The following CPZ variants were observed in gnomAD, a reference collection of about 807,000 sequenced individuals.
CPZ encodes the protein carboxypeptidase Z, also known as VEZT/CPZ fusion.
CPZ carries 103 observed loss-of-function variants against 61.8 expected under a neutral mutation model. The ratio of observed to expected loss-of-function variants is 1.67; its 90% CI spans 1.42 to 1.96. CPZ has a LOEUF of 1.96. CPZ is among the 30% of genes most tolerant of loss of function. The probability of loss-of-function intolerance (pLI) is 0.00; values close to 1 mark genes in which losing one functional copy is unlikely to be tolerated. For synonymous variants in CPZ, 551 were observed against 373.7 expected, an observed-to-expected ratio of 1.47 and a Z score of -5.47; for missense variants, 1,461 against 914.9, an observed-to-expected ratio of 1.60 and a Z score of -7.70.
Position 8,611,991 on chromosome 4 carries a change from G to T in CPZ, c.1228-36G>T, listed in dbSNP as rs76097235. ...CCAGCTCACAGGACGTCCTGCAGGGGACCCTTTCCTTATCTGAGCCAGGTT... is the reference window on the plus strand; with the variant it reads ...CCAGCTCACAGGACGTCCTGCAGGGTACCCTTTCCTTATCTGAGCCAGGTT... On this transcript the variant is annotated intron_variant, in intron 7 of 10. Coordinates refer to ENST00000360986, the MANE Select transcript of CPZ (RefSeq NM_001014447.3). 1.0e-4 allele frequency: 163 copies of T among 1,613,346 alleles called. 1 individual carries two copies. The African/African-American group carries it at 1.9e-3, about 18-fold the overall frequency.
intron 1 of CPZ, among the ~76,000 whole-genome samples, chr4:8,594,289 G>T (rs989066135): frequency 6.6e-6 from 1 of 152,218 alleles, no homozygotes; most frequent in Non-Finnish European, 1.5e-5. Context: ...GTCACCTGCA[G>T]TGCAGGTCCC....
At chr4:8,598,454 G>A (rs1453855344) in intron 1 of CPZ, among the ~76,000 whole-genome samples, 1 of 152,224 alleles carries the variant, frequency 6.6e-6, no homozygotes, top group Non-Finnish European at 1.5e-5. Flanking sequence ...TGGAGGTGAA[G>A]TCACAGCCAG....
intron 7 of CPZ, among the ~76,000 whole-genome samples, chr4:8,609,035 A>C (rs1715298899): frequency 6.7e-6 from 1 of 149,040 alleles, no homozygotes; most frequent in South Asian, 2.2e-4. Flanking sequence ...TCCTTCACTC[A>C]CCCATTCACT....
Position 8,619,699 on chromosome 4 carries a change from C to G in CPZ, c.*82C>G. 3 of 1,060,060 alleles carry G rather than the reference C, an allele frequency of 2.8e-6. No individual in the cohort carries two copies. The highest frequency in any genetic ancestry group is 3.9e-6 in the Non-Finnish European group (3 of 767,416). 65.7% of individuals were successfully genotyped at this position (1,060,060 alleles called of 1,614,324 possible). ...GCTCCTGGCTCTTGATTTTGTCTGC[C>G]ACAGACATCCCACAAAGCCGCTGCC... On this transcript the variant is annotated 3_prime_UTR_variant, in exon 11 of 11. Coordinates refer to ENST00000360986, the MANE Select transcript of CPZ (RefSeq NM_001014447.3).
intron 2 of CPZ, chr4:8,600,907 T>G: frequency 7.9e-7 from 1 of 1,272,098 alleles, no homozygotes. Context: ...GGCTTGCTGG[T>G]GGGTAGTTGA....
chr4:8,606,561 A>G (rs1715025041), intron 5 of CPZ, among the ~76,000 whole-genome samples, 176 bp from the exon 6 acceptor site: 1 of 152,122 alleles, frequency 6.6e-6, no homozygotes, highest in Non-Finnish European at 1.5e-5. Flanking sequence ...GACATCAGCA[A>G]GGAGCCCCGG....
chr4:8,618,597 C>T (rs1038605148), intron 10 of CPZ, 69 bp downstream of exon 10: 226 of 1,409,596 alleles, frequency 1.6e-4, no homozygotes, highest in Non-Finnish European at 2.0e-4. Context: ...TGGCAGCCGG[C>T]ACCCTCAGGC....
chr4:8,619,015 G>C (rs1284713451), intron 10 of CPZ, among the ~76,000 whole-genome samples: 1 of 147,074 alleles, frequency 6.8e-6, no homozygotes, highest in Non-Finnish European at 1.5e-5. Flanking sequence ...TGTGGGGTGG[G>C]TATGGGGGGT....
chr4:8,619,161 GCCTCCCATGCTAA>G, intron 10 of CPZ, 88 bp from the exon 11 acceptor site: 1 of 1,022,908 alleles, frequency 9.8e-7, no homozygotes, highest in South Asian at 1.7e-5. Flanking sequence ...TTTGGCGCCT[GCCTCCCATGCTAA>G]CCTCTCCCCA....
rs1207575548 is a variant in CPZ at position 8,606,025 on chromosome 4, G to T, written c.746G>T (p.Gly249Val). 3 of 1,613,998 alleles carry T rather than the reference G, an allele frequency of 1.9e-6. No homozygotes were observed. Among genetic ancestry groups the T allele is most frequent in the Admixed American group, 3.3e-5 (2 of 60,002 alleles). ...GTGAAGCTCATCGGCAACATTCATG[G>T]CAACGAGGTGGCGGGCCGGGAGATG... The part of the protein sequence containing the change: ...PEVKLIGNIH[G>V]NEVAGREMLI... The change falls in exon 5 of 11, where the codon GGC becomes GTC. Residue 249 changes from glycine (G) to valine (V), a missense_variant. By Grantham distance (109) the Gly-to-Val change is moderately radical (BLOSUM62 -3). Coordinates refer to ENST00000360986, the MANE Select transcript of CPZ (RefSeq NM_001014447.3).
intron 10 of CPZ, among the ~76,000 whole-genome samples, chr4:8,618,824 C>T (rs539983254): frequency 1.8e-4 from 27 of 152,362 alleles, no homozygotes; most frequent in Admixed American, 1.5e-3. Context: ...GCCACCTCCA[C>T]CCCTAAGCCT....
In CPZ at chr4:8,604,108, C is replaced by A; in HGVS notation, c.629C>A (p.Thr210Asn). 1 of 1,605,416 alleles carries A rather than the reference C, an allele frequency of 6.2e-7. No individual in the cohort carries two copies. The highest frequency in any genetic ancestry group is 1.1e-5 in the South Asian group (1 of 89,962). ...TCCCGCTGCGCCCACGTGGCCAGGA[C>A]CTACAGCATCGGGCGCAGCTTCGAC... ...TASRCAHVAR[T>N]YSIGRSFDGR... is the part of the protein sequence containing the mutation. The change falls in exon 4 of 11, where the codon ACC becomes AAC. Residue 210 changes from threonine (T) to asparagine (N), a missense_variant. Physicochemically the swap from Thr to Asn is moderately conservative, Grantham distance 65. Coordinates refer to ENST00000360986, the MANE Select transcript of CPZ (RefSeq NM_001014447.3).
intron 7 of CPZ, among the ~76,000 whole-genome samples, chr4:8,610,224 CTG>C (rs1225541601): frequency 2.0e-5 from 3 of 152,242 alleles, no homozygotes; most frequent in Admixed American, 2.0e-4. Flanking sequence ...TTTCATTTAT[CTG>C]TGTCTCTTCC....
chr4:8,601,032 G>T, intron 2 of CPZ, 91 bp from the exon 3 acceptor site: 1 of 1,463,384 alleles, frequency 6.8e-7, no homozygotes, highest in Non-Finnish European at 9.0e-7. Flanking sequence ...TGCAGGCCCT[G>T]GCCCTGCGTG....
At chr4:8,600,678 G>A (rs1234159552) in intron 2 of CPZ, among the ~76,000 whole-genome samples, 1 of 152,220 alleles carries the variant, frequency 6.6e-6, no homozygotes, top group African/African-American at 2.4e-5. Context: ...TCTCATCCAA[G>A]TCCTGAGCCC....
At chr4:8,618,853 G>T (rs1033758717) in intron 10 of CPZ, among the ~76,000 whole-genome samples, 21 of 152,222 alleles carry the variant, frequency 1.4e-4, no homozygotes, top group African/African-American at 4.3e-4. Flanking sequence ...CTATCCCAAA[G>T]TTCATACCCT....
intron 6 of CPZ, 67 bp from the exon 7 acceptor site, chr4:8,607,200 C>T: frequency 1.9e-6 from 3 of 1,542,768 alleles, no homozygotes; most frequent in Non-Finnish European, 2.6e-6. Flanking sequence ...GCTGCTGAAG[C>T]CCAGGGCATG....
intron 1 of CPZ, among the ~76,000 whole-genome samples, chr4:8,593,238 C>T (rs930289536): frequency 2.0e-5 from 3 of 152,122 alleles, no homozygotes; most frequent in African/African-American, 4.8e-5. Flanking sequence ...CAGGTGGGTT[C>T]GAGGGAGCAG....
chr4:8,611,720 G>A (rs1288291767), intron 7 of CPZ, among the ~76,000 whole-genome samples: 1 of 152,040 alleles, frequency 6.6e-6, no homozygotes, highest in African/African-American at 2.4e-5. Flanking sequence ...ATGTCTGTGT[G>A]TAACCTCAGG....
Sources: allele counts gnomAD v4.1 joint callset (sites outside exome capture counted in the v4.1 genomes callset), GRCh38; gene constraint gnomAD v4.1.1; transcripts MANE v1.5; gene names NCBI Gene and HGNC (gene_info 2026-07-23, HGNC 2026-07-21).